The following UNC5C variants were observed in gnomAD, a reference collection of about 807,000 sequenced individuals.
The protein encoded by UNC5C is netrin receptor UNC5C.
UNC5C carries 47 observed loss-of-function variants against 99.8 expected under a neutral mutation model. That is an observed-to-expected ratio of 0.47 (90% CI 0.37 to 0.60). The LOEUF is 0.60. Among genes scored for constraint, UNC5C ranks in the 20% least tolerant of loss-of-function variants. The pLI is 0.00. For missense variants in UNC5C, 1,062 were observed against 1,165.9 expected (o/e 0.91, Z 1.30); for synonymous variants, 487 against 452.2 (o/e 1.08, Z -0.98).
intron 2 of UNC5C, among the ~76,000 whole-genome samples, chr4:95,312,383 A>T (rs1379098832): frequency 6.6e-6 from 1 of 152,208 alleles, no homozygotes. Flanking sequence ...TAAGTGAATG[A>T]TCTGTACATA....
At chr4:95,186,235 G>A (rs1191762475) in intron 12 of UNC5C, among the ~76,000 whole-genome samples, 3 of 151,814 alleles carry the variant, frequency 2.0e-5, no homozygotes, top group Non-Finnish European at 4.4e-5. Flanking sequence ...AGGAATATAT[G>A]GATTTTAGAA....
chr4:95,496,113 A>G (rs1721625453), intron 1 of UNC5C, among the ~76,000 whole-genome samples: 1 of 151,838 alleles, frequency 6.6e-6, no homozygotes, highest in South Asian at 2.1e-4. Context: ...TACTCTGAAG[A>G]AAAACAGTAT....
chr4:95,257,608 A>C (rs1285592181), intron 4 of UNC5C, among the ~76,000 whole-genome samples: 1 of 152,208 alleles, frequency 6.6e-6, no homozygotes, highest in African/African-American at 2.4e-5. Flanking sequence ...GGCAGAAAGT[A>C]ATTGAGGGTA....
chr4:95,365,254 C>A (rs1744518985), intron 1 of UNC5C, among the ~76,000 whole-genome samples: 1 of 145,390 alleles, frequency 6.9e-6, no homozygotes, highest in African/African-American at 2.5e-5. Context: ...TGAGATTGTG[C>A]CACTGCACTC....
intron 1 of UNC5C, among the ~76,000 whole-genome samples, chr4:95,374,382 C>T (rs79037938): frequency 0.027 from 4,180 of 152,182 alleles, 179 homozygotes; most frequent in African/African-American, 0.095. Context: ...TTGAGTGTCA[C>T]GGGTTTTCAA....
intron 1 of UNC5C, among the ~76,000 whole-genome samples, chr4:95,438,778 A>G (rs2626046): frequency 0.95 from 143,946 of 151,986 alleles, 68,245 homozygotes; most frequent in East Asian, 1. Context: ...AATATAAAAT[A>G]TTGTGTGTGC....
chr4:95,351,812 C>T (rs908003615), intron 1 of UNC5C, among the ~76,000 whole-genome samples: 2 of 152,140 alleles, frequency 1.3e-5, no homozygotes, highest in South Asian at 2.1e-4. Context: ...GACTCTAATA[C>T]GTGTTGTGAA....
At chr4:95,385,770 G>A (rs1162712947) in intron 1 of UNC5C, among the ~76,000 whole-genome samples, 1 of 152,028 alleles carries the variant, frequency 6.6e-6, no homozygotes, top group African/African-American at 2.4e-5. Flanking sequence ...TCTTACACAT[G>A]TTTAAGAAAT....
chr4:95,332,328 A>T (rs1358243602), intron 2 of UNC5C, among the ~76,000 whole-genome samples: 1 of 149,544 alleles, frequency 6.7e-6, no homozygotes, highest in African/African-American at 2.4e-5. Flanking sequence ...CTATACTGCA[A>T]GGCTACAGTA....
At chr4:95,380,352 T>G (rs545377176) in intron 1 of UNC5C, among the ~76,000 whole-genome samples, 24 of 152,276 alleles carry the variant, frequency 1.6e-4, no homozygotes, top group Non-Finnish European at 3.4e-4. Context: ...TTTAGAGAGA[T>G]AGAAATCATA....
intron 1 of UNC5C, among the ~76,000 whole-genome samples, chr4:95,463,088 A>T (rs1747654678): frequency 6.6e-6 from 1 of 152,154 alleles, no homozygotes; most frequent in Non-Finnish European, 1.5e-5. Context: ...CTCTCCACTA[A>T]CTAAACACCG....
At chr4:95,411,029 A>G (rs891027464) in intron 1 of UNC5C, among the ~76,000 whole-genome samples, 1 of 152,204 alleles carries the variant, frequency 6.6e-6, no homozygotes, top group Non-Finnish European at 1.5e-5. Context: ...AATTGTCTCT[A>G]CAAGTCAACC....
intron 2 of UNC5C, among the ~76,000 whole-genome samples, chr4:95,324,038 AAAATAAAT>A (rs539177510): frequency 7.2e-5 from 11 of 151,862 alleles, no homozygotes; most frequent in South Asian, 2.1e-4. Flanking sequence ...TCCATCTCAA[AAAATAAAT>A]AAATAAATAA....
At chr4:95,300,585 C>T (rs1246645325) in intron 3 of UNC5C, among the ~76,000 whole-genome samples, 2 of 152,124 alleles carry the variant, frequency 1.3e-5, no homozygotes, top group Non-Finnish European at 2.9e-5. Context: ...AGAATGAACT[C>T]ATTCAAGGAA....
intron 1 of UNC5C, among the ~76,000 whole-genome samples, chr4:95,402,493 T>C (rs1383978383): frequency 6.6e-6 from 1 of 152,230 alleles, no homozygotes; most frequent in Non-Finnish European, 1.5e-5. Context: ...AAGTGCATAA[T>C]AATGGTTCCC....
intron 5 of UNC5C, among the ~76,000 whole-genome samples, chr4:95,249,432 A>G (rs1302423257): frequency 6.6e-6 from 1 of 152,204 alleles, no homozygotes; most frequent in East Asian, 1.9e-4. Context: ...TTCTGGAGGT[A>G]GCATAACCTC....
chr4:95,330,445 T>A (rs1302477045), intron 2 of UNC5C, among the ~76,000 whole-genome samples: 2 of 152,102 alleles, frequency 1.3e-5, no homozygotes, highest in Non-Finnish European at 2.9e-5. Flanking sequence ...ATTTCCTTTA[T>A]AAAATTCTGC....
intron 10 of UNC5C, among the ~76,000 whole-genome samples, chr4:95,209,275 T>C (rs1225347798): frequency 1.3e-5 from 2 of 152,254 alleles, no homozygotes; most frequent in East Asian, 3.8e-4. Context: ...ACAAGACTTG[T>C]GTGTTTTATC....
At chr4:95,412,411 G>A (rs923057994) in intron 1 of UNC5C, among the ~76,000 whole-genome samples, 5 of 151,956 alleles carry the variant, frequency 3.3e-5, no homozygotes, top group African/African-American at 9.7e-5. Context: ...ACACTTGATG[G>A]CAATCTCATG....
Sources: allele counts gnomAD v4.1 joint callset (sites outside exome capture counted in the v4.1 genomes callset), GRCh38; gene constraint gnomAD v4.1.1; transcripts MANE v1.5; gene names NCBI Gene and HGNC (gene_info 2026-07-23, HGNC 2026-07-21).